The following TLN2 variants were observed in gnomAD, a reference collection of about 807,000 sequenced individuals.
TLN2 encodes talin-2.
In TLN2, 118 loss-of-function variants were observed where a neutral mutation model predicts 294.7. That is an observed-to-expected ratio of 0.40 (90% CI 0.34 to 0.47). The LOEUF is 0.47. TLN2 is among the 20% of genes least tolerant of loss of function. The pLI is 0.84. For synonymous variants in TLN2, 1,431 were observed against 1,304.5 expected (o/e 1.10, Z -2.09); for missense variants, 3,083 against 3,282.2 (o/e 0.94, Z 1.48).
Position 62,686,812 on chromosome 15 carries a change from G to A in TLN2, c.1113+16G>A, listed in dbSNP as rs747746097. Reference sequence around the variant, plus strand: ...CTTCACACTGGTAGGGACTGGCAGAGGGCAAGGAGAGCACTAGCGTGGCCT... The same window carrying A: ...CTTCACACTGGTAGGGACTGGCAGAAGGCAAGGAGAGCACTAGCGTGGCCT... On this transcript the variant is annotated intron_variant, in intron 12 of 58. Coordinates refer to ENST00000636159, the MANE Select transcript of TLN2 (RefSeq NM_015059.3). The A allele has an allele frequency of 1.2e-6, 2 of 1,612,228 alleles. No individual in the cohort carries two copies. The highest frequency in any genetic ancestry group is 1.1e-5 in the South Asian group (1 of 90,974).
chr15:62,686,410 A>T lies in TLN2; in HGVS notation c.958-231A>T, dbSNP rs535200389. 4.9e-4 allele frequency among the ~76,000 whole-genome samples: 75 copies of T among 152,190 alleles called. 1 individual carries two copies. In the East Asian group the frequency reaches 7.0e-3, roughly 14 times the overall value. On this transcript the variant is annotated intron_variant, in intron 11 of 58. Coordinates refer to ENST00000636159, the MANE Select transcript of TLN2 (RefSeq NM_015059.3). ...TTTTTGGAGCAAGCTGCTCTCCTGA[A>T]CAGGGGGCATGATTTTGTGGCTCTT... is the stretch of plus-strand genomic sequence containing the variant.
chr15:62,492,236 G>A (rs1225118395), intron 1 of TLN2, among the ~76,000 whole-genome samples: 2 of 152,034 alleles, frequency 1.3e-5, no homozygotes, highest in Non-Finnish European at 2.9e-5. Flanking sequence ...TGGATCATGA[G>A]GTCAGGAGAT....
intron 1 of TLN2, among the ~76,000 whole-genome samples, chr15:62,446,099 C>T (rs376257364): frequency 1.1e-4 from 17 of 152,020 alleles, no homozygotes; most frequent in African/African-American, 2.7e-4. Flanking sequence ...CTCCGCCTCC[C>T]GGGTTCACGT....
intron 2 of TLN2, among the ~76,000 whole-genome samples, chr15:62,598,545 T>C (rs1234941024): frequency 2.0e-5 from 3 of 152,160 alleles, no homozygotes; most frequent in Admixed American, 6.5e-5. Flanking sequence ...CTGGACCTCT[T>C]ACCCAACCCT....
chr15:62,441,025 C>T (rs1595810171), intron 1 of TLN2, among the ~76,000 whole-genome samples: 2 of 152,294 alleles, frequency 1.3e-5, no homozygotes, highest in East Asian at 3.9e-4. Flanking sequence ...TATCCATCTC[C>T]TGCTCACTTC....
At chr15:62,786,465 T>A (rs1217207428) in intron 45 of TLN2, among the ~76,000 whole-genome samples, 2 of 152,164 alleles carry the variant, frequency 1.3e-5, no homozygotes, top group African/African-American at 4.8e-5. Flanking sequence ...TTTGGAAAAG[T>A]TAAAAGCCTC....
In TLN2 at chr15:62,609,425, C is replaced by G. The variant is rs114529751; in HGVS notation, c.-161-8926C>G. ...GCCATGTCCTTTATAATGAAAGGGT[C>G]AAGTTCAGAGTCATGTGTTGCCTTA... On this transcript the variant is annotated intron_variant, in intron 2 of 58. Coordinates refer to ENST00000636159, the MANE Select transcript of TLN2 (RefSeq NM_015059.3). Among the ~76,000 whole-genome samples, 538 of 152,296 alleles carry G rather than the reference C, an allele frequency of 3.5e-3. 1 individual carries two copies. The highest frequency in any genetic ancestry group is 0.012 in the African/African-American group (485 of 41,558).
chr15:62,751,423 A>G (rs1289672760), intron 34 of TLN2, among the ~76,000 whole-genome samples: 1 of 152,260 alleles, frequency 6.6e-6, no homozygotes, highest in Non-Finnish European at 1.5e-5. Context: ...GGAAAGATGC[A>G]TACACACTCA....
intron 46 of TLN2, among the ~76,000 whole-genome samples, chr15:62,794,861 C>G (rs529420206): frequency 1.6e-4 from 25 of 152,192 alleles, no homozygotes; most frequent in Non-Finnish European, 2.9e-5. Context: ...GACTCCCCTG[C>G]CCTGGTCAGC....
At chr15:62,422,030 G>C (rs941477624) in intron 1 of TLN2, among the ~76,000 whole-genome samples, 9 of 151,874 alleles carry the variant, frequency 5.9e-5, no homozygotes, top group African/African-American at 1.7e-4. Context: ...GGAGGCCGAG[G>C]CAGGTGGATC....
intron 12 of TLN2, 117 bp from the exon 13 acceptor site, chr15:62,692,723 A>G (rs937868310): frequency 2.8e-6 from 2 of 716,072 alleles, no homozygotes; most frequent in Non-Finnish European, 4.8e-6. Context: ...TTGTATTTAG[A>G]GAGGAGGAGC....
chr15:62,480,717 T>A, intron 1 of TLN2, among the ~76,000 whole-genome samples: 1 of 152,202 alleles, frequency 6.6e-6, no homozygotes, highest in Admixed American at 6.5e-5. Flanking sequence ...TGCCCTACGT[T>A]ACCACACTTG....
At position 62,544,027 on chromosome 15, in the gene TLN2, G is replaced by A. The variant is rs191016902; in HGVS notation, c.-237-45660G>A. ...TCTGGCCTTGACAGACTCTGATGTC[G>A]TCAGAATTAATGAGGCCTCGGTCCT... On this transcript the variant is annotated intron_variant, in intron 1 of 58. Coordinates refer to ENST00000636159, the MANE Select transcript of TLN2 (RefSeq NM_015059.3). 1.7e-3 allele frequency among the ~76,000 whole-genome samples: 266 copies of A among 152,144 alleles called. 2 individuals are homozygous for A. The highest frequency in any genetic ancestry group is 3.4e-3 in the Middle Eastern group (1 of 294).
intron 1 of TLN2, among the ~76,000 whole-genome samples, chr15:62,552,962 A>G (rs8040918): frequency 0.03 from 4,545 of 152,328 alleles, 233 homozygotes; most frequent in African/African-American, 0.1. Flanking sequence ...TCTAGCCTGT[A>G]TGTCAGAAGC....
chr15:62,489,083 C>A (rs1237240686), intron 1 of TLN2, among the ~76,000 whole-genome samples: 1 of 152,156 alleles, frequency 6.6e-6, no homozygotes, highest in African/African-American at 2.4e-5. Flanking sequence ...ATCACTTGAA[C>A]CTGGCAGGGT....
At chr15:62,823,761 C>T (rs1876124836) in intron 54 of TLN2, among the ~76,000 whole-genome samples, 1 of 152,184 alleles carries the variant, frequency 6.6e-6, no homozygotes, top group African/African-American at 2.4e-5. Context: ...CTGCTGTTCA[C>T]CTGGGGAGAT....
At chr15:62,729,326 C>G (rs188280283) in intron 28 of TLN2, among the ~76,000 whole-genome samples, 75 of 152,258 alleles carry the variant, frequency 4.9e-4, no homozygotes, top group African/African-American at 1.8e-3. Flanking sequence ...TATTCTTGGC[C>G]TTTTCCATTT....
intron 1 of TLN2, among the ~76,000 whole-genome samples, chr15:62,532,762 C>T (rs989759040): frequency 6.6e-6 from 1 of 152,152 alleles, no homozygotes; most frequent in Admixed American, 6.5e-5. Flanking sequence ...CAATCATTTA[C>T]CTGCTGTGTG....
chr15:62,421,702 T>C (rs948987384), intron 1 of TLN2, among the ~76,000 whole-genome samples: 1 of 151,702 alleles, frequency 6.6e-6, no homozygotes, highest in Non-Finnish European at 1.5e-5. Flanking sequence ...AGAGAGAGGA[T>C]CAGAGAAAAT....
Sources: gnomAD v4.1 joint callset for allele counts (sites outside exome capture counted in the v4.1 genomes callset) on GRCh38, gnomAD v4.1.1 for gene constraint, MANE v1.5 for transcripts, NCBI Gene and HGNC (gene_info 2026-07-23, HGNC 2026-07-21) for gene names.